The following IGFL2 variants were observed in gnomAD, a reference collection of about 807,000 sequenced individuals.
IGFL2 encodes insulin growth factor-like family member 2.
IGFL2 carries 7 observed loss-of-function variants against 13.9 expected under a neutral mutation model. The observed-to-expected ratio is 0.51, with a 90% confidence interval of 0.29 to 0.95. The LOEUF (loss-of-function observed/expected upper bound fraction) is 0.95. Ranked by LOEUF, IGFL2 falls within the 40% of genes least tolerant of loss-of-function variation. The probability of loss-of-function intolerance (pLI) is 0.08; values close to 1 mark genes in which losing one functional copy is unlikely to be tolerated. For synonymous variants in IGFL2, 55 were observed against 55.8 expected (o/e 0.99, Z 0.07); for missense variants, 138 against 147.8 (o/e 0.93, Z 0.34).
the IGFL2 span, among the ~76,000 whole-genome samples, chr19:46,119,329 C>T: frequency 6.6e-6 from 1 of 152,166 alleles, no homozygotes; most frequent in African/African-American, 2.4e-5. Flanking sequence ...TCCCAGTGAG[C>T]TGTTCTACCA....
chr19:46,161,093 A>G lies in IGFL2; in HGVS notation c.*5A>G. 1.9e-6 allele frequency: 3 copies of G among 1,587,702 alleles called. No homozygotes were observed. The highest frequency in any genetic ancestry group is 2.6e-6 in the Non-Finnish European group (3 of 1,164,648). ...AGCAGAAGACGTTTTCCCTGAGAAG[A>G]CATAGAAAGAAAATCAACTTTCACT... On this transcript the variant is annotated 3_prime_UTR_variant, in exon 4 of 4. Coordinates refer to ENST00000377693, the MANE Select transcript of IGFL2 (RefSeq NM_001135113.2).
the IGFL2 span, among the ~76,000 whole-genome samples, chr19:46,188,280 G>T: frequency 3.3e-5 from 5 of 152,202 alleles, no homozygotes; most frequent in South Asian, 8.3e-4. Flanking sequence ...TTAGTGGGGG[G>T]CCCAGTGTGT....
At chr19:46,207,314 A>C in the IGFL2 span, 2 of 151,978 alleles carry the variant, frequency 1.3e-5, no homozygotes, top group Admixed American at 6.6e-5. Flanking sequence ...CTACCCTCTA[A>C]TCCTCAAATC....
At chr19:46,157,705 C>T (rs1411346565) in intron 1 of IGFL2, among the ~76,000 whole-genome samples, 2 of 152,114 alleles carry the variant, frequency 1.3e-5, no homozygotes, top group Admixed American at 6.5e-5. Flanking sequence ...GAATGCTTTC[C>T]ACCTAAGACT....
chr19:46,148,570 G>T (rs1276422685), intron 1 of IGFL2, among the ~76,000 whole-genome samples: 1 of 152,146 alleles, frequency 6.6e-6, no homozygotes, highest in Non-Finnish European at 1.5e-5. Flanking sequence ...GCTCTGAGCT[G>T]TTACAGCAAC....
the IGFL2 span, among the ~76,000 whole-genome samples, chr19:46,129,247 A>G: frequency 2.0e-5 from 3 of 147,410 alleles, no homozygotes; most frequent in South Asian, 6.4e-4. Flanking sequence ...TAATCTAGCT[A>G]GTGTTCTATC....
the IGFL2 span, among the ~76,000 whole-genome samples, chr19:46,174,894 T>G: frequency 3.9e-5 from 6 of 152,238 alleles, no homozygotes; most frequent in Non-Finnish European, 5.9e-5. Context: ...CTTCTTTTAT[T>G]GTCTTTAGCA....
In IGFL2 at chr19:46,161,106, A is replaced by T. The variant is rs761864360; in HGVS notation, c.*18A>T. On this transcript the variant is annotated 3_prime_UTR_variant, in exon 4 of 4. Coordinates refer to ENST00000377693, the MANE Select transcript of IGFL2 (RefSeq NM_001135113.2). ...TTCCCTGAGAAGACATAGAAAGAAA[A>T]TCAACTTTCACTAAGGCATCTCAGA... 116 of 1,579,406 alleles carry T rather than the reference A, an allele frequency of 7.3e-5. No individual in the cohort carries two copies. The Middle Eastern group carries it at 2.8e-3, about 38-fold the overall frequency.
chr19:46,115,513 C>A, the IGFL2 span, among the ~76,000 whole-genome samples: 3 of 152,120 alleles, frequency 2.0e-5, no homozygotes, highest in African/African-American at 7.2e-5. Context: ...AGCTTGGGAG[C>A]TGTGGCCAGT....
chr19:46,150,016 T>C (rs939662406), intron 1 of IGFL2, among the ~76,000 whole-genome samples: 5 of 152,218 alleles, frequency 3.3e-5, no homozygotes, highest in Non-Finnish European at 7.3e-5. Context: ...CTCACATTTC[T>C]CTCCAGATTC....
At chr19:46,157,888 C>T (rs1419045390) in intron 1 of IGFL2, among the ~76,000 whole-genome samples, 3 of 152,112 alleles carry the variant, frequency 2.0e-5, no homozygotes, top group Non-Finnish European at 4.4e-5. Flanking sequence ...TAAACAGTCC[C>T]AAGGAATCTA....
chr19:46,105,841 A>C, the IGFL2 span, among the ~76,000 whole-genome samples: 1 of 152,208 alleles, frequency 6.6e-6, no homozygotes, highest in Non-Finnish European at 1.5e-5. Flanking sequence ...TACAGGGTGC[A>C]GTCCCAGCTC....
the IGFL2 span, among the ~76,000 whole-genome samples, chr19:46,094,034 A>ATTT: frequency 2.0e-3 from 232 of 114,200 alleles, 2 homozygotes; most frequent in South Asian, 7.6e-3. Context: ...GCCTTGGAGG[A>ATTT]TTTTTTTTTT....
At chr19:46,197,462 ACTCT>A in the IGFL2 span, 1 of 153,456 alleles carries the variant, frequency 6.5e-6, no homozygotes, top group Non-Finnish European at 1.4e-5. Context: ...TCACAACCTC[ACTCT>A]CTCAACATTG....
chr19:46,152,045 CA>C (rs564388863), intron 1 of IGFL2, among the ~76,000 whole-genome samples: 159 of 152,278 alleles, frequency 1.0e-3, no homozygotes, highest in African/African-American at 3.0e-3. Flanking sequence ...TAATTCTTTT[CA>C]ACAATGTTTT....
At chr19:46,178,649 T>C in the IGFL2 span, among the ~76,000 whole-genome samples, 17 of 152,176 alleles carry the variant, frequency 1.1e-4, no homozygotes, top group African/African-American at 4.1e-4. Flanking sequence ...TTTCCACAAC[T>C]TCCCTTATCT....
At chr19:46,193,204 A>G in the IGFL2 span, among the ~76,000 whole-genome samples, 1 of 152,136 alleles carries the variant, frequency 6.6e-6, no homozygotes, top group Admixed American at 6.5e-5. Context: ...AAGAACAAAA[A>G]CAAAACACAA....
At chr19:46,131,134 A>G in the IGFL2 span, among the ~76,000 whole-genome samples, 65 of 152,268 alleles carry the variant, frequency 4.3e-4, 1 homozygote, top group African/African-American at 1.2e-3. Context: ...TGAATGTCCT[A>G]TTGAATCTGA....
chr19:46,095,629 G>A, the IGFL2 span, among the ~76,000 whole-genome samples: 1 of 152,144 alleles, frequency 6.6e-6, no homozygotes, highest in African/African-American at 2.4e-5. Context: ...GTGTTGCCTA[G>A]ATTTTCTTCT....
Sources: gnomAD v4.1 joint callset for allele counts (sites outside exome capture counted in the v4.1 genomes callset) on GRCh38, gnomAD v4.1.1 for gene constraint, MANE v1.5 for transcripts, NCBI Gene and HGNC (gene_info 2026-07-23, HGNC 2026-07-21) for gene names.